ADCY5: variants seen among roughly 807,000 people sequenced by gnomAD.
ADCY5 encodes the protein adenylate cyclase type 5.
Under a neutral mutation model 119.7 loss-of-function variants are expected in ADCY5, and 30 were observed. The ratio of observed to expected loss-of-function variants is 0.25; its 90% CI spans 0.19 to 0.34. ADCY5 has a LOEUF of 0.34. ADCY5 is among the 10% of genes least tolerant of loss of function. ADCY5 has a pLI of 1.00. For missense variants in ADCY5, 1,324 were observed against 1,775.2 expected (o/e 0.75, Z 4.57); for synonymous variants, 753 against 762.2 (o/e 0.99, Z 0.20).
chr3:123,358,864 C>T (rs562484236), intron 1 of ADCY5, among the ~76,000 whole-genome samples: 1 of 152,320 alleles, frequency 6.6e-6, no homozygotes, highest in South Asian at 2.1e-4. Context: ...TTACAGTGCT[C>T]GGTTCGTGCA....
chr3:123,435,575 G>A (rs1215701653), intron 1 of ADCY5, among the ~76,000 whole-genome samples: 1 of 152,084 alleles, frequency 6.6e-6, no homozygotes, highest in African/African-American at 2.4e-5. Flanking sequence ...CCCAAATCAA[G>A]GGTCCTTGTT....
intron 3 of ADCY5, among the ~76,000 whole-genome samples, chr3:123,337,302 G>A (rs960304224): frequency 8.5e-5 from 13 of 152,138 alleles, no homozygotes; most frequent in African/African-American, 1.2e-4. Flanking sequence ...TGGATGCGGC[G>A]GGCCATGCCT....
chr3:123,402,713 C>T (rs570392278), intron 1 of ADCY5, among the ~76,000 whole-genome samples: 21 of 151,916 alleles, frequency 1.4e-4, no homozygotes, highest in Non-Finnish European at 2.6e-4. Context: ...ATTAGTCAGG[C>T]GTGGTGGTGG....
intron 17 of ADCY5, among the ~76,000 whole-genome samples, chr3:123,291,814 A>G (rs1939173318): frequency 6.6e-6 from 1 of 152,204 alleles, no homozygotes; most frequent in Non-Finnish European, 1.5e-5. Flanking sequence ...ATATCAGGAA[A>G]TGGAATCAAA....
intron 1 of ADCY5, among the ~76,000 whole-genome samples, chr3:123,408,057 T>C (rs189879859): frequency 1.3e-5 from 2 of 152,194 alleles, no homozygotes; most frequent in East Asian, 3.9e-4. Flanking sequence ...TACAGAATTA[T>C]GTACAGTGGC....
At chr3:123,367,342 C>CTGA (rs1450628014) in intron 1 of ADCY5, among the ~76,000 whole-genome samples, 2 of 152,206 alleles carry the variant, frequency 1.3e-5, no homozygotes, top group Non-Finnish European at 2.9e-5. Context: ...TCCAGGGAAG[C>CTGA]TGATGATGCT....
chr3:123,307,877 G>C (rs1940283589), intron 12 of ADCY5, among the ~76,000 whole-genome samples: 1 of 151,898 alleles, frequency 6.6e-6, no homozygotes, highest in South Asian at 2.1e-4. Flanking sequence ...AGCCCCACAA[G>C]GACCATCCAG....
At chr3:123,329,749 A>T (rs1484704514) in intron 5 of ADCY5, among the ~76,000 whole-genome samples, 2 of 152,170 alleles carry the variant, frequency 1.3e-5, no homozygotes, top group African/African-American at 4.8e-5. Context: ...CCACGCCATC[A>T]GCAAGAGGCT....
chr3:123,332,197 T>G (rs1277885942), intron 4 of ADCY5, among the ~76,000 whole-genome samples: 1 of 152,236 alleles, frequency 6.6e-6, no homozygotes, highest in Non-Finnish European at 1.5e-5. Flanking sequence ...TCATCAGGAA[T>G]GTAGCTTGAT....
intron 1 of ADCY5, among the ~76,000 whole-genome samples, chr3:123,405,256 C>T (rs554910916): frequency 6.6e-6 from 1 of 152,258 alleles, no homozygotes; most frequent in African/African-American, 2.4e-5. Context: ...CAGCCCTCCG[C>T]CAGGCTGCAG....
At chr3:123,433,021 A>G (rs1234227463) in intron 1 of ADCY5, among the ~76,000 whole-genome samples, 3 of 152,238 alleles carry the variant, frequency 2.0e-5, no homozygotes, top group East Asian at 1.9e-4. Context: ...CTAAAAATCA[A>G]TAACACTCAG....
chr3:123,425,836 T>A (rs975633652), intron 1 of ADCY5, among the ~76,000 whole-genome samples: 2 of 152,162 alleles, frequency 1.3e-5, no homozygotes, highest in African/African-American at 2.4e-5. Context: ...GCAGCCAGAA[T>A]AAGGACAGGG....
At chr3:123,368,006 C>T (rs1943509010) in intron 1 of ADCY5, 3 of 1,504,024 alleles carry the variant, frequency 2.0e-6, no homozygotes, top group African/African-American at 1.4e-5. Context: ...TGGAGGGGAC[C>T]ATGGGCACCT....
chr3:123,320,642 C>T lies in ADCY5; in HGVS notation c.2111+107G>A, dbSNP rs1306397890. 4.8e-6 allele frequency: 7 copies of T among 1,454,804 alleles called. No homozygotes were observed. In the East Asian group the frequency reaches 6.8e-5, roughly 14 times the overall value. The allele number at this position is 1,454,804 out of a possible 1,614,324, so 90.1% of individuals were successfully genotyped here. On this transcript the variant is annotated intron_variant, in intron 9 of 20. Transcript: ENST00000462833. ...CTCCATTCACTCTCAGCTAAGACTG[C>T]AAGAGGAGTCATTTTCCATGGAGTG... is the stretch of plus-strand genomic sequence containing the variant.
chr3:123,367,592 T>C (rs934811871), intron 1 of ADCY5, among the ~76,000 whole-genome samples: 3 of 152,172 alleles, frequency 2.0e-5, no homozygotes, highest in Non-Finnish European at 4.4e-5. Flanking sequence ...CATTGTTTCC[T>C]GTGAGTAGTG....
At chr3:123,430,728 G>A (rs1483658337) in intron 1 of ADCY5, among the ~76,000 whole-genome samples, 3 of 152,192 alleles carry the variant, frequency 2.0e-5, no homozygotes, top group South Asian at 2.1e-4. Context: ...TTTAACCTGA[G>A]GACATCTCCC....
chr3:123,352,316 G>A lies in ADCY5; in HGVS notation c.1284+116C>T, dbSNP rs531388526. ...ATTCCCCATGGGTTGGTCCCCTCCCGGGGAGTGGGGCTGGCAGCCGTAATA... is the reference window on the plus strand; with the variant it reads ...ATTCCCCATGGGTTGGTCCCCTCCCAGGGAGTGGGGCTGGCAGCCGTAATA... On this transcript the variant is annotated intron_variant, in intron 2 of 20. Coordinates refer to ENST00000462833, the MANE Select transcript of ADCY5 (RefSeq NM_183357.3). This position sits in a 1 kb window ranked among gnomAD's most constrained non-coding sequence, Gnocchi z 4.8. 4.4e-5 allele frequency: 59 copies of A among 1,327,024 alleles called. No homozygotes were observed. The East Asian group carries it at 1.3e-3, about 29-fold the overall frequency. The allele number at this position is 1,327,024 out of a possible 1,614,324, so 82.2% of individuals were successfully genotyped here.
Position 123,304,156 on chromosome 3 carries a change from A to G in ADCY5, c.2470T>C (p.Ser824Pro), listed in dbSNP as rs1432760552. ...ATCTTGGACCGCACGATCTTCCTGG[A>G]GAGGGTCTGCAGTGGGGAGGGGAAG... ...KLFPSPLQTL[S>P]RKIVRSKMNS... The change falls in exon 13 of 21, where the codon TCC becomes CCC. Residue 824 changes from serine (S) to proline (P), a missense_variant. Physicochemically the swap from Ser to Pro is moderately conservative, Grantham distance 74. This residue lies in a region of ADCY5 where 424 missense variants were observed against 546.8 expected (regional missense o/e 0.78). Transcript: ENST00000462833. 2.2e-6 allele frequency: 3 copies of G among 1,358,320 alleles called. No individual in the cohort carries two copies. In the African/African-American group the frequency reaches 4.9e-5, roughly 22 times the overall value. The allele number at this position is 1,358,320 out of a possible 1,614,324, so 84.1% of individuals were successfully genotyped here. A position where few individuals can be genotyped will look rare whatever the true frequency, so the allele number is the denominator to read the frequency against.
intron 15 of ADCY5, 73 bp from the exon 16 acceptor site, chr3:123,297,455 C>T: frequency 6.6e-7 from 1 of 1,508,780 alleles, no homozygotes; most frequent in Non-Finnish European, 9.2e-7. Context: ...CTGCTCAGCC[C>T]CCACGCCCTG....
Sources: allele counts gnomAD v4.1 joint callset (sites outside exome capture counted in the v4.1 genomes callset), GRCh38; gene constraint gnomAD v4.1.1; regional missense constraint gnomAD v4.1.1; non-coding constraint Gnocchi (gnomAD v3.1); transcripts MANE v1.5; gene names NCBI Gene and HGNC (gene_info 2026-07-23, HGNC 2026-07-21).